The following ACTR3C variants were observed in gnomAD, a reference collection of about 807,000 sequenced individuals.
The protein encoded by ACTR3C is actin related protein 3C.
Under a neutral mutation model 26.3 loss-of-function variants are expected in ACTR3C, and 18 were observed. The ratio of observed to expected loss-of-function variants is 0.68; its 90% CI spans 0.47 to 1.01. The LOEUF (loss-of-function observed/expected upper bound fraction) is 1.01, where lower values mean the gene tolerates loss of function less well. Ranked by LOEUF, ACTR3C falls within the 50% of genes least tolerant of loss-of-function variation. The pLI is 0.00. For missense variants in ACTR3C, 184 were observed against 250.7 expected (o/e 0.73, Z 1.80); for synonymous variants, 55 against 94.5 (o/e 0.58, Z 2.42).
At chr7:150,086,973 A>G in the ACTR3C span, among the ~76,000 whole-genome samples, 71 of 152,306 alleles carry the variant, frequency 4.7e-4, no homozygotes, top group South Asian at 0.014. Flanking sequence ...AGTAGGCTCA[A>G]AATTATTTCC....
chr7:149,926,568 T>C, the ACTR3C span, among the ~76,000 whole-genome samples: 1 of 152,178 alleles, frequency 6.6e-6, no homozygotes, highest in Non-Finnish European at 1.5e-5. Context: ...GTACGGAGCA[T>C]TGCACACATG....
chr7:150,145,520 G>A, the ACTR3C span, among the ~76,000 whole-genome samples: 1 of 137,014 alleles, frequency 7.3e-6, no homozygotes, highest in South Asian at 2.6e-4. Context: ...ATGAAAATGC[G>A]AACATCACTC....
chr7:150,081,531 C>T, the ACTR3C span, among the ~76,000 whole-genome samples: 3 of 151,292 alleles, frequency 2.0e-5, no homozygotes, highest in Non-Finnish European at 4.4e-5. Context: ...CCAGAATAGA[C>T]TAGGCTTGTT....
chr7:149,947,748 G>A, the ACTR3C span, among the ~76,000 whole-genome samples: 1 of 144,244 alleles, frequency 6.9e-6, no homozygotes, highest in Non-Finnish European at 1.5e-5. Context: ...TTCTGCTGAT[G>A]CGGTGCAGCT....
At chr7:150,015,211 A>G in the ACTR3C span, among the ~76,000 whole-genome samples, 24 of 152,120 alleles carry the variant, frequency 1.6e-4, no homozygotes, top group African/African-American at 2.2e-4. Context: ...TCCCGTAGAC[A>G]ATGGAACCCG....
intron 6 of ACTR3C, among the ~76,000 whole-genome samples, chr7:150,250,288 C>T (rs543756700): frequency 1.4e-4 from 21 of 148,816 alleles, no homozygotes; most frequent in Admixed American, 8.7e-4. Flanking sequence ...ACTGCAAGCT[C>T]TGCCTCCCGG....
the ACTR3C span, among the ~76,000 whole-genome samples, chr7:150,135,060 C>T: frequency 6.6e-6 from 1 of 152,250 alleles, no homozygotes; most frequent in Admixed American, 6.5e-5. Context: ...TCGCAAAGTG[C>T]TGGGATTACA....
the ACTR3C span, among the ~76,000 whole-genome samples, chr7:150,135,988 C>T: frequency 3.8e-4 from 58 of 152,132 alleles, no homozygotes; most frequent in Admixed American, 9.8e-4. Flanking sequence ...CTCACAGACA[C>T]GAAACCCTGT....
At chr7:150,220,765 G>C in the ACTR3C span, among the ~76,000 whole-genome samples, 1 of 152,306 alleles carries the variant, frequency 6.6e-6, no homozygotes, top group Non-Finnish European at 1.5e-5. Flanking sequence ...CCGCCACCAG[G>C]GCAGAGCCAC....
At chr7:150,179,931 TTTC>T in the ACTR3C span, among the ~76,000 whole-genome samples, 169 of 151,592 alleles carry the variant, frequency 1.1e-3, 2 homozygotes, top group African/African-American at 4.1e-3. Context: ...GCTGCCTTTT[TTTC>T]TTATTATGAT....
At chr7:150,097,918 G>T in the ACTR3C span, among the ~76,000 whole-genome samples, 54 of 151,654 alleles carry the variant, frequency 3.6e-4, no homozygotes, top group South Asian at 0.011. Context: ...GCTCTAAGCA[G>T]AGATGGCAAA....
chr7:150,040,667 G>A, the ACTR3C span: 4 of 145,834 alleles, frequency 2.7e-5, no homozygotes, highest in East Asian at 3.9e-4. Flanking sequence ...ACCTGCCGTC[G>A]GAAGATTTGA....
the ACTR3C span, among the ~76,000 whole-genome samples, chr7:150,092,763 G>C: frequency 6.6e-6 from 1 of 150,648 alleles, no homozygotes; most frequent in South Asian, 2.1e-4. Context: ...ATGGGCTAAA[G>C]TGATGAATGT....
At chr7:149,903,697 A>G in the ACTR3C span, among the ~76,000 whole-genome samples, 1 of 150,622 alleles carries the variant, frequency 6.6e-6, no homozygotes, top group African/African-American at 2.5e-5. Context: ...GAGTGTCACT[A>G]CACGTAGCTA....
intron 7 of ACTR3C, chr7:150,247,972 A>G (rs1429471285): frequency 2.0e-5 from 3 of 152,300 alleles, no homozygotes; most frequent in Non-Finnish European, 2.9e-5. Flanking sequence ...GAGCCAATTG[A>G]ACCTCTTTTC....
the ACTR3C span, among the ~76,000 whole-genome samples, chr7:150,097,212 G>A: frequency 6.6e-6 from 1 of 151,842 alleles, no homozygotes; most frequent in African/African-American, 2.4e-5. Context: ...TGTGTTAGGA[G>A]AGTGTCACAT....
At chr7:150,115,170 G>A in the ACTR3C span, among the ~76,000 whole-genome samples, 2 of 152,072 alleles carry the variant, frequency 1.3e-5, no homozygotes, top group African/African-American at 4.8e-5. Flanking sequence ...TTTTTCCACT[G>A]GATTTACTCA....
At chr7:150,019,638 C>T in the ACTR3C span, among the ~76,000 whole-genome samples, 1 of 130,430 alleles carries the variant, frequency 7.7e-6, no homozygotes, top group Non-Finnish European at 1.6e-5. Context: ...ATAATAAAAT[C>T]TATAATCTAT....
the ACTR3C span, among the ~76,000 whole-genome samples, chr7:150,075,895 G>A: frequency 6.6e-6 from 1 of 152,100 alleles, no homozygotes; most frequent in Non-Finnish European, 1.5e-5. Flanking sequence ...TCACACTCAT[G>A]GGGAGACGAG....
Sources: allele counts gnomAD v4.1 joint callset (sites outside exome capture counted in the v4.1 genomes callset), GRCh38; gene constraint gnomAD v4.1.1; transcripts MANE v1.5; gene names NCBI Gene and HGNC (gene_info 2026-07-23, HGNC 2026-07-21).